AGBL1: variants seen among roughly 807,000 people sequenced by gnomAD.
AGBL1 encodes the protein cytosolic carboxypeptidase 4.
In AGBL1, 130 loss-of-function variants were observed where a neutral mutation model predicts 118.9. The ratio of observed to expected loss-of-function variants is 1.09; its 90% CI spans 0.95 to 1.26. The LOEUF is 1.26. Among genes scored for constraint, AGBL1 ranks in the 50% most tolerant of loss-of-function variants. The pLI is 0.00. For missense variants in AGBL1, 1,584 were observed against 1,298.1 expected (o/e 1.22, Z -3.38); for synonymous variants, 555 against 478.9 (o/e 1.16, Z -2.08).
intron 22 of AGBL1, among the ~76,000 whole-genome samples, chr15:86,692,321 CTT>C (rs1321705159): frequency 6.6e-6 from 1 of 152,084 alleles, no homozygotes; most frequent in Non-Finnish European, 1.5e-5. Flanking sequence ...TGAAGGAACT[CTT>C]TACAAAGCAA....
At chr15:86,567,632 G>GA (rs1299949354) in intron 21 of AGBL1, among the ~76,000 whole-genome samples, 3 of 152,244 alleles carry the variant, frequency 2.0e-5, no homozygotes, top group Non-Finnish European at 4.4e-5. Flanking sequence ...ATAACCTTTA[G>GA]AGGAATATAA....
chr15:86,236,407 T>C (rs1051450675), intron 6 of AGBL1, among the ~76,000 whole-genome samples: 1 of 151,592 alleles, frequency 6.6e-6, no homozygotes, highest in Non-Finnish European at 1.5e-5. Context: ...ATAAAATGCA[T>C]TGCACAGAAG....
At chr15:86,861,180 T>C (rs2079554930) in intron 22 of AGBL1, among the ~76,000 whole-genome samples, 1 of 152,216 alleles carries the variant, frequency 6.6e-6, no homozygotes, top group East Asian at 1.9e-4. Flanking sequence ...TGAAGGTATC[T>C]ATTTTCTCTT....
chr15:86,918,563 G>T (rs1431808404), downstream of AGBL1, among the ~76,000 whole-genome samples: 1 of 151,896 alleles, frequency 6.6e-6, no homozygotes, highest in African/African-American at 2.4e-5. Flanking sequence ...AAAGGAAATG[G>T]ATCTGTAATT....
chr15:86,549,288 C>A (rs1771106821), intron 20 of AGBL1, among the ~76,000 whole-genome samples: 1 of 152,040 alleles, frequency 6.6e-6, no homozygotes, highest in Admixed American at 6.6e-5. Context: ...GAATGTCTTC[C>A]CAAATCACAT....
intron 21 of AGBL1, among the ~76,000 whole-genome samples, chr15:86,637,595 G>T (rs558213474): frequency 3.9e-5 from 6 of 152,208 alleles, no homozygotes; most frequent in Non-Finnish European, 8.8e-5. Flanking sequence ...ATAAAGTATG[G>T]ATTGGAAGCA....
chr15:86,201,738 T>A (rs1234032127), intron 5 of AGBL1, among the ~76,000 whole-genome samples: 1 of 152,210 alleles, frequency 6.6e-6, no homozygotes, highest in Non-Finnish European at 1.5e-5. Flanking sequence ...CAGGACCCCT[T>A]GGGAATCTAG....
intron 6 of AGBL1, among the ~76,000 whole-genome samples, chr15:86,236,934 GGGGGGGGCGGGGGGGGGC>G (rs58740284): frequency 0.14 from 6,252 of 45,892 alleles, 819 homozygotes; most frequent in South Asian, 0.28. Flanking sequence ...TATGTGGGCG[GGGGGGGGCGGGGGGGGGC>G]GGGGGGGCGC....
chr15:86,661,514 A>G (rs1239495586), intron 21 of AGBL1, among the ~76,000 whole-genome samples: 4 of 151,834 alleles, frequency 2.6e-5, no homozygotes, highest in Admixed American at 2.0e-4. Flanking sequence ...TAGCAGAACT[A>G]GACTGGGTTA....
rs577554603 is a variant in AGBL1 at position 86,305,994 on chromosome 15, A to T, written c.2374+10586A>T. On this transcript the variant is annotated intron_variant, in intron 17 of 22. Transcript: ENST00000614907. ...ATTTTTATACTTAATAGTTTTTAAA[A>T]TTTTTTTTAATTTAATTTTTTTTAT... Among the ~76,000 whole-genome samples, 15 of 151,910 alleles carry T rather than the reference A, an allele frequency of 9.9e-5. No individual in the cohort carries two copies. The South Asian group carries it at 1.5e-3, about 15-fold the overall frequency.
chr15:86,770,325 G>C (rs11073671), intron 22 of AGBL1, among the ~76,000 whole-genome samples: 74,681 of 151,480 alleles, frequency 0.49, 19,892 homozygotes, highest in African/African-American at 0.69. Flanking sequence ...TTGCATCCCC[G>C]CACAGGAGAC....
At chr15:86,565,513 C>T (rs2083899634) in intron 21 of AGBL1, among the ~76,000 whole-genome samples, 1 of 152,216 alleles carries the variant, frequency 6.6e-6, no homozygotes, top group South Asian at 2.1e-4. Flanking sequence ...GAGGGGTACC[C>T]AGCCATGTGA....
chr15:86,472,314 A>C (rs986454876), intron 18 of AGBL1, among the ~76,000 whole-genome samples: 2 of 152,198 alleles, frequency 1.3e-5, no homozygotes, highest in Admixed American at 6.5e-5. Flanking sequence ...AGACCTGGTT[A>C]AGGTTCAGGC....
rs528558874 is a variant in AGBL1 at position 86,832,259 on chromosome 15, C to T, written c.3159-74828C>T. 5.3e-5 allele frequency among the ~76,000 whole-genome samples: 8 copies of T among 152,310 alleles called. No individual in the cohort carries two copies. In the South Asian group the frequency reaches 1.4e-3, roughly 28 times the overall value. ...CATTGTTTTGGTGATTAACATTTGG[C>T]TCTTCGTTACTTATGCAAATTTCTG... is the stretch of plus-strand genomic sequence containing the variant. On this transcript the variant is annotated intron_variant, in intron 22 of 22. Coordinates refer to ENST00000614907, the MANE Select transcript of AGBL1 (RefSeq NM_001386094.1).
intron 21 of AGBL1, among the ~76,000 whole-genome samples, chr15:86,623,583 C>G (rs563441895): frequency 1.3e-5 from 2 of 152,188 alleles, no homozygotes; most frequent in Non-Finnish European, 2.9e-5. Context: ...TGTTCTTGCT[C>G]TCTTTATTTT....
At chr15:86,153,668 A>G (rs987288254) in intron 3 of AGBL1, among the ~76,000 whole-genome samples, 3 of 152,206 alleles carry the variant, frequency 2.0e-5, no homozygotes, top group African/African-American at 7.2e-5. Context: ...TTTAAAAAAG[A>G]AAGAAACATT....
chr15:86,815,061 T>C (rs1254200978), intron 22 of AGBL1, among the ~76,000 whole-genome samples: 2 of 152,036 alleles, frequency 1.3e-5, no homozygotes, highest in Non-Finnish European at 2.9e-5. Flanking sequence ...CCAATGTAAA[T>C]CTGAGGAAAG....
At chr15:86,593,038 C>A (rs1370736726) in intron 21 of AGBL1, among the ~76,000 whole-genome samples, 4 of 152,180 alleles carry the variant, frequency 2.6e-5, no homozygotes, top group Non-Finnish European at 5.9e-5. Context: ...TCTCTATCCT[C>A]TCTCTTGCTC....
intron 23 of AGBL1, among the ~76,000 whole-genome samples, chr15:86,922,948 C>T (rs1237800159): frequency 6.6e-6 from 1 of 152,044 alleles, no homozygotes; most frequent in Admixed American, 6.6e-5. Context: ...GGCATGATGA[C>T]CAGGAGGAGA....
Sources: gnomAD v4.1 joint callset for allele counts (sites outside exome capture counted in the v4.1 genomes callset) on GRCh38, gnomAD v4.1.1 for gene constraint, MANE v1.5 for transcripts, NCBI Gene and HGNC (gene_info 2026-07-23, HGNC 2026-07-21) for gene names.